NCOA7: variants seen among roughly 807,000 people sequenced by gnomAD.
NCOA7 encodes the protein 140 kDa estrogen receptor-associated protein.
In NCOA7, 45 loss-of-function variants were observed where a neutral mutation model predicts 104.3. That is an observed-to-expected ratio of 0.43 (90% CI 0.34 to 0.55). NCOA7 has a LOEUF of 0.55. Among genes scored for constraint, NCOA7 ranks in the 20% least tolerant of loss-of-function variants. The pLI, the probability that NCOA7 is intolerant of heterozygous loss-of-function variation, is 0.02. For synonymous variants in NCOA7, 398 were observed against 402.3 expected (o/e 0.99, Z 0.13); for missense variants, 1,041 against 1,119.7 (o/e 0.93, Z 1.00).
At chr6:125,854,841 A>T (rs1245670860) in intron 2 of NCOA7, among the ~76,000 whole-genome samples, 179 bp from the exon 3 acceptor site, 4 of 152,224 alleles carry the variant, frequency 2.6e-5, no homozygotes, top group African/African-American at 9.6e-5. Context: ...ATCTCCATGT[A>T]AGAATTTGTA....
intron 9 of NCOA7, among the ~76,000 whole-genome samples, chr6:125,890,325 G>A (rs560998220): frequency 6.6e-6 from 1 of 152,222 alleles, no homozygotes; most frequent in African/African-American, 2.4e-5. Context: ...ATGTTATATT[G>A]TGTTCTCAGT....
intron 1 of NCOA7, among the ~76,000 whole-genome samples, chr6:125,802,142 A>T (rs979335206): frequency 2.0e-5 from 3 of 152,154 alleles, no homozygotes; most frequent in Non-Finnish European, 4.4e-5. Context: ...ATTCATATAA[A>T]CAATAATATG....
At chr6:125,916,199 C>T (rs1431679464) in intron 11 of NCOA7, among the ~76,000 whole-genome samples, 2 of 152,192 alleles carry the variant, frequency 1.3e-5, no homozygotes, top group East Asian at 1.9e-4. Context: ...GTTTCCGCTA[C>T]GCTCGCTCGC....
At chr6:125,922,202 G>A (rs529234683) in intron 12 of NCOA7, among the ~76,000 whole-genome samples, 4 of 152,176 alleles carry the variant, frequency 2.6e-5, no homozygotes, top group Non-Finnish European at 5.9e-5. Context: ...AGATATAGGT[G>A]CAATAAGAAC....
At chr6:125,785,249 A>C (rs565257925) in intron 1 of NCOA7, among the ~76,000 whole-genome samples, 4 of 152,260 alleles carry the variant, frequency 2.6e-5, no homozygotes, top group African/African-American at 9.6e-5. Context: ...AAGGCAGGAG[A>C]ATTGCTCAAA....
intron 11 of NCOA7, 132 bp downstream of exon 11, chr6:125,915,612 A>G: frequency 9.2e-7 from 1 of 1,091,436 alleles, no homozygotes; most frequent in Admixed American, 2.7e-5. Context: ...GAGGAAAATA[A>G]CTTTATTCCT....
chr6:125,898,848 T>A (rs937159347), intron 10 of NCOA7, among the ~76,000 whole-genome samples: 1 of 152,126 alleles, frequency 6.6e-6, no homozygotes, highest in African/African-American at 2.4e-5. Context: ...TTGTTATTTC[T>A]TATAATTAAA....
intron 3 of NCOA7, among the ~76,000 whole-genome samples, chr6:125,873,921 C>T (rs555046091): frequency 2.0e-4 from 31 of 152,186 alleles, no homozygotes; most frequent in Admixed American, 1.0e-3. Flanking sequence ...TATTGCAGTA[C>T]GGTTCTGGGG....
chr6:125,928,768 T>G lies in NCOA7; in HGVS notation c.2826T>G (p.Asp942Glu), dbSNP rs1567. The G allele has an allele frequency of 0.13, 212,833 of 1,609,372 alleles. 15,282 individuals carry two copies. The highest frequency in any genetic ancestry group is 0.25 in the African/African-American group (18,622 of 74,518). Residue 942 changes from aspartate (D) to glutamate (E), a missense_variant, in exon 16 of 16, where the codon GAT (aspartate) becomes GAG (glutamate). Physicochemically the swap from Asp to Glu is conservative, Grantham distance 45. Transcript: ENST00000392477. ...AGGATCTGGAGGTGTGGGCATTTGA[T>G]TGAAATTCAGACTGCCTTAAAATAT... The part of the protein sequence containing the change: ...IVQDLEVWAF[D>E]
At chr6:125,882,351 A>G (rs751722679) in intron 6 of NCOA7, 75 bp from the exon 7 acceptor site, 12 of 1,473,846 alleles carry the variant, frequency 8.1e-6, no homozygotes, top group Non-Finnish European at 1.1e-5. Context: ...CAGGGAATTT[A>G]TGGGGCTTGA....
chr6:125,867,920 G>A (rs1354892296), intron 3 of NCOA7, among the ~76,000 whole-genome samples: 1 of 152,178 alleles, frequency 6.6e-6, no homozygotes, highest in African/African-American at 2.4e-5. Flanking sequence ...CCTCACCAGT[G>A]CGGTGTTTCG....
chr6:125,920,940 C>T lies in NCOA7; in HGVS notation c.2245-3C>T. 1 of 1,612,282 alleles carries T rather than the reference C, an allele frequency of 6.2e-7. No individual in the cohort carries two copies. Among genetic ancestry groups the T allele is most frequent in the African/African-American group, 1.3e-5 (1 of 74,986 alleles). Reference sequence around the variant, plus strand: ...TTTTTCTTGGCTTGTTTTCTCATTTCAGATCATCACTGTTGAAGAGGCAAA... The same window carrying T: ...TTTTTCTTGGCTTGTTTTCTCATTTTAGATCATCACTGTTGAAGAGGCAAA... On this transcript the variant is annotated splice_polypyrimidine_tract_variant and splice_region_variant and intron_variant, in intron 11 of 15. Coordinates refer to ENST00000392477, the MANE Select transcript of NCOA7 (RefSeq NM_181782.5).
At chr6:125,920,794 T>C (rs1236885768) in intron 11 of NCOA7, 149 bp from the exon 12 acceptor site, 18 of 887,166 alleles carry the variant, frequency 2.0e-5, no homozygotes, top group Non-Finnish European at 2.4e-5. Flanking sequence ...ACTGAAAAAT[T>C]AGCCATTTCC....
Position 125,890,815 on chromosome 6 carries a change from G to A in NCOA7, c.2096+5G>A, listed in dbSNP as rs751235332. ...GTTTGCTGTTCCTCGGGAGAGGTGA[G>A]TATGGGCTACAATGGAAAGTCTGTG... On this transcript the variant is annotated splice_donor_5th_base_variant and intron_variant, in intron 10 of 15. Transcript: ENST00000392477. 6.3e-6 allele frequency: 10 copies of A among 1,591,262 alleles called. No homozygotes were observed. The highest frequency in any genetic ancestry group is 1.8e-5 in the Admixed American group (1 of 56,220).
chr6:125,913,821 C>A, intron 10 of NCOA7: 1 of 191,176 alleles, frequency 5.2e-6, no homozygotes. Context: ...AAAAGAAAAA[C>A]ACTGATACCA....
At chr6:125,791,303 T>C (rs1268085) in intron 1 of NCOA7, among the ~76,000 whole-genome samples, 18,287 of 152,164 alleles carry the variant, frequency 0.12, 1,471 homozygotes, top group African/African-American at 0.23. Flanking sequence ...CGCCCACCCC[T>C]TGGGGGGCTC....
chr6:125,857,146 G>C (rs1228488905), intron 3 of NCOA7, among the ~76,000 whole-genome samples: 1 of 152,144 alleles, frequency 6.6e-6, no homozygotes, highest in East Asian at 1.9e-4. Context: ...AGATACTTCT[G>C]TACTATTAAT....
At chr6:125,827,226 A>C (rs1778750952) in intron 2 of NCOA7, among the ~76,000 whole-genome samples, 1 of 146,176 alleles carries the variant, frequency 6.8e-6, no homozygotes. Context: ...AGTGAGAGTG[A>C]GCAAGCAAGA....
intron 3 of NCOA7, among the ~76,000 whole-genome samples, chr6:125,868,595 A>G (rs1583419559): frequency 2.6e-5 from 4 of 152,348 alleles, no homozygotes; most frequent in Admixed American, 2.6e-4. Flanking sequence ...TGATGACATA[A>G]GTGAGATGGT....
Sources: allele counts gnomAD v4.1 joint callset (sites outside exome capture counted in the v4.1 genomes callset), GRCh38; gene constraint gnomAD v4.1.1; transcripts MANE v1.5; gene names NCBI Gene and HGNC (gene_info 2026-07-23, HGNC 2026-07-21).